EVI5: variants seen among roughly 807,000 people sequenced by gnomAD.
The protein encoded by EVI5 is ecotropic viral integration site 5.
Under a neutral mutation model 112.0 loss-of-function variants are expected in EVI5, and 73 were observed. The observed-to-expected ratio is 0.65, with a 90% confidence interval of 0.54 to 0.79. The LOEUF (loss-of-function observed/expected upper bound fraction) is 0.79, where lower values mean the gene tolerates loss of function less well. Among genes scored for constraint, EVI5 ranks in the 30% least tolerant of loss-of-function variants. The pLI is 0.00. For missense variants in EVI5, 900 were observed against 968.8 expected (o/e 0.93, Z 0.94); for synonymous variants, 305 against 319.9 (o/e 0.95, Z 0.50).
chr1:92,651,468 G>A (rs1662075917), intron 13 of EVI5, among the ~76,000 whole-genome samples: 1 of 152,130 alleles, frequency 6.6e-6, no homozygotes, highest in Non-Finnish European at 1.5e-5. Context: ...AAAAAGATTT[G>A]AACCACAATG....
At chr1:92,570,199 G>C (rs1025616957) in intron 18 of EVI5, among the ~76,000 whole-genome samples, 2 of 152,236 alleles carry the variant, frequency 1.3e-5, no homozygotes, top group Non-Finnish European at 1.5e-5. Flanking sequence ...CATAAGAAGT[G>C]TCTGAGTAAG....
chr1:92,635,349 G>A (rs1050278012), intron 14 of EVI5, among the ~76,000 whole-genome samples: 13 of 152,168 alleles, frequency 8.5e-5, no homozygotes, highest in African/African-American at 3.1e-4. Context: ...TCCTGGCCGC[G>A]TTGTTTACCT....
chr1:92,715,762 T>C (rs759204842), intron 2 of EVI5, among the ~76,000 whole-genome samples: 3 of 152,084 alleles, frequency 2.0e-5, no homozygotes, highest in Admixed American at 6.5e-5. Context: ...TGCTCAAATA[T>C]TGTGCTTTTC....
chr1:92,648,739 C>G (rs1353278881), intron 13 of EVI5, among the ~76,000 whole-genome samples: 3 of 152,158 alleles, frequency 2.0e-5, no homozygotes, highest in Non-Finnish European at 2.9e-5. Flanking sequence ...GAATAATATT[C>G]CATTGTGTGT....
At chr1:92,682,835 A>G (rs1257967798) in intron 9 of EVI5, among the ~76,000 whole-genome samples, 1 of 152,204 alleles carries the variant, frequency 6.6e-6, no homozygotes, top group South Asian at 2.1e-4. Flanking sequence ...CCATCATCCT[A>G]TGCCATCCTG....
At chr1:92,707,941 T>C (rs1032707703) in intron 2 of EVI5, among the ~76,000 whole-genome samples, 4 of 152,106 alleles carry the variant, frequency 2.6e-5, no homozygotes, top group African/African-American at 7.2e-5. Context: ...ACTGCTGACA[T>C]GTGCATCAAC....
chr1:92,724,305 C>T (rs1250391233), intron 2 of EVI5, among the ~76,000 whole-genome samples: 4 of 152,046 alleles, frequency 2.6e-5, no homozygotes, highest in Non-Finnish European at 4.4e-5. Context: ...ATTTCTCAGA[C>T]CGGCCGACAC....
chr1:92,663,446 C>G lies in EVI5; in HGVS notation c.1219G>C (p.Ala407Pro). 2 of 1,415,550 alleles carry G rather than the reference C, an allele frequency of 1.4e-6. No homozygotes were observed. Among genetic ancestry groups the G allele is most frequent in the Non-Finnish European group, 1.9e-6 (2 of 1,060,712 alleles). 87.7% of individuals were successfully genotyped at this position (1,415,550 alleles called of 1,614,324 possible). ...QRIETLEKES[A>P]SLADRLIQGQ... ...TGTATCAATCTATCTGCCAAGGAAG[C>G]ACTTTCCTACAAAAGGAAAAATTCA... Residue 407 changes from alanine to proline, a missense_variant, in exon 12 of 20, where the codon GCT becomes CCT. Physicochemically the swap from Ala to Pro is conservative, Grantham distance 27. Transcript: ENST00000684568.
intron 1 of EVI5, among the ~76,000 whole-genome samples, chr1:92,739,148 C>T (rs921119473): frequency 3.0e-4 from 45 of 151,576 alleles, no homozygotes; most frequent in African/African-American, 1.0e-3. Context: ...TGGCGGGCGC[C>T]TGTAATCCCA....
intron 1 of EVI5, among the ~76,000 whole-genome samples, chr1:92,765,783 T>C (rs1242649827): frequency 6.6e-6 from 1 of 151,940 alleles, no homozygotes; most frequent in African/African-American, 2.4e-5. Context: ...GTATTAAAAC[T>C]GGGGGGAAAG....
chr1:92,629,927 T>C (rs1438496316), intron 14 of EVI5, among the ~76,000 whole-genome samples: 1 of 151,840 alleles, frequency 6.6e-6, no homozygotes, highest in Non-Finnish European at 1.5e-5. Flanking sequence ...TTTGGTATTT[T>C]GTCCTTGTGA....
chr1:92,615,198 CATA>C (rs1186824171), intron 16 of EVI5, among the ~76,000 whole-genome samples: 2 of 152,138 alleles, frequency 1.3e-5, no homozygotes, highest in Non-Finnish European at 1.5e-5. Context: ...TGACTCTATA[CATA>C]ATACCTTTGA....
intron 16 of EVI5, among the ~76,000 whole-genome samples, chr1:92,619,766 A>T (rs11164784): frequency 0.021 from 3,199 of 149,636 alleles, 103 homozygotes; most frequent in African/African-American, 0.068. Flanking sequence ...AAAAAAAAAA[A>T]TTTTTTTTTT....
intron 18 of EVI5, among the ~76,000 whole-genome samples, chr1:92,570,336 G>GA (rs1670153541): frequency 6.6e-6 from 1 of 151,944 alleles, no homozygotes; most frequent in Non-Finnish European, 1.5e-5. Flanking sequence ...GGCAGGGGGG[G>GA]CCTAATTTTG....
chr1:92,548,571 T>C (rs1452657698), intron 19 of EVI5, among the ~76,000 whole-genome samples: 2 of 152,208 alleles, frequency 1.3e-5, no homozygotes, highest in African/African-American at 2.4e-5. Context: ...TGTTTGCAGA[T>C]GACATGATTG....
intron 1 of EVI5, among the ~76,000 whole-genome samples, chr1:92,742,095 C>T (rs772997108): frequency 1.3e-5 from 2 of 151,706 alleles, no homozygotes; most frequent in Non-Finnish European, 2.9e-5. Flanking sequence ...ATAAAGAACT[C>T]CTACAAATTA....
intron 13 of EVI5, among the ~76,000 whole-genome samples, chr1:92,656,677 A>G (rs1343212374): frequency 6.6e-6 from 1 of 152,160 alleles, no homozygotes; most frequent in East Asian, 1.9e-4. Flanking sequence ...ACCCAAATTA[A>G]CAAGTGATCA....
At chr1:92,561,046 GGTCT>G (rs1668447778) in intron 19 of EVI5, among the ~76,000 whole-genome samples, 1 of 152,050 alleles carries the variant, frequency 6.6e-6, no homozygotes, top group Admixed American at 6.6e-5. Context: ...CTAGCTAATT[GGTCT>G]GTTTTCATCA....
At chr1:92,674,800 G>T (rs181943985) in intron 10 of EVI5, among the ~76,000 whole-genome samples, 4 of 152,220 alleles carry the variant, frequency 2.6e-5, no homozygotes. Context: ...TGGAACTGGG[G>T]AGTGAAGAAA....
Sources: allele counts gnomAD v4.1 joint callset (sites outside exome capture counted in the v4.1 genomes callset), GRCh38; gene constraint gnomAD v4.1.1; transcripts MANE v1.5; gene names NCBI Gene and HGNC (gene_info 2026-07-23, HGNC 2026-07-21).